The following RCL1 variants were observed in gnomAD, a reference collection of about 807,000 sequenced individuals.
RCL1 encodes RNA terminal phosphate cyclase like 1.
Under a neutral mutation model 42.4 loss-of-function variants are expected in RCL1, and 24 were observed. The ratio of observed to expected loss-of-function variants is 0.57; its 90% confidence interval spans 0.41 to 0.80. The LOEUF (loss-of-function observed/expected upper bound fraction) is 0.80, where lower values mean the gene tolerates loss of function less well. Among genes scored for constraint, RCL1 ranks in the 30% least tolerant of loss-of-function variants. The pLI is 0.00. For synonymous variants in RCL1, 228 were observed against 177.3 expected, an observed-to-expected ratio of 1.29 and a Z score of -2.27; for missense variants, 578 against 467.9, an observed-to-expected ratio of 1.24 and a Z score of -2.17.
At chr9:4,818,697 A>T (rs1020341152) in intron 1 of RCL1, among the ~76,000 whole-genome samples, 13 of 152,092 alleles carry the variant, frequency 8.5e-5, no homozygotes, top group Admixed American at 3.3e-4. Flanking sequence ...CCTGTCCGGC[A>T]TGGTGAAACC....
intron 1 of RCL1, among the ~76,000 whole-genome samples, chr9:4,805,306 T>C (rs1843084536): frequency 6.6e-6 from 1 of 152,132 alleles, no homozygotes; most frequent in Non-Finnish European, 1.5e-5. Context: ...GGAGGATCAC[T>C]TGAGCCTAGG....
Position 4,853,986 on chromosome 9 carries a change from A to G in RCL1, c.971+4436A>G, listed in dbSNP as rs117990701. ...GGAACTGCCGGCCAAGCCTGCCTCT[A>G]CTTGGGGTCAGTGGCCTCACTGCAT... On this transcript the variant is annotated intron_variant, in intron 8 of 8. Coordinates refer to ENST00000381750, the MANE Select transcript of RCL1 (RefSeq NM_005772.5). Among the ~76,000 whole-genome samples the G allele has an allele frequency of 2.2e-4, 33 of 152,218 alleles. 1 individual carries two copies. In the East Asian group the frequency reaches 4.6e-3, roughly 21 times the overall value.
intron 8 of RCL1, among the ~76,000 whole-genome samples, chr9:4,859,338 G>A (rs1468628457): frequency 6.6e-6 from 1 of 152,114 alleles, no homozygotes; most frequent in Non-Finnish European, 1.5e-5. Flanking sequence ...TTCCCCGTCT[G>A]TGTTGTTTGC....
intron 3 of RCL1, among the ~76,000 whole-genome samples, chr9:4,829,404 C>CATGATCG (rs527715924): frequency 1.8e-3 from 271 of 152,290 alleles, no homozygotes; most frequent in African/African-American, 6.1e-3. Flanking sequence ...AATAAAGGAT[C>CATGATCG]ATGATCGTAA....
chr9:4,797,637 G>C (rs905842138), intron 1 of RCL1, among the ~76,000 whole-genome samples: 9 of 152,168 alleles, frequency 5.9e-5, no homozygotes, highest in African/African-American at 2.2e-4. Flanking sequence ...CATTCAAAAT[G>C]TCAGTAGTGC....
In RCL1 at chr9:4,793,168, G is replaced by A. The variant is rs780192521; in HGVS notation, c.77G>A (p.Ser26Asn). The A allele has an allele frequency of 1.2e-5, 19 of 1,611,822 alleles. No individual in the cohort carries two copies. The highest frequency in any genetic ancestry group is 1.6e-5 in the Non-Finnish European group (19 of 1,179,050). Reference protein sequence around the residue: ...LRQRLVLSTLSGRPVKIRKIR... With the variant: ...LRQRLVLSTLNGRPVKIRKIR... Reference sequence around the variant, plus strand: ...CAACGTCTGGTCCTGTCTACCCTGAGCGGGCGCCCCGTCAAAATCCGAAAG... The same window carrying A: ...CAACGTCTGGTCCTGTCTACCCTGAACGGGCGCCCCGTCAAAATCCGAAAG... The change falls in exon 1 of 9, where the codon AGC becomes AAC. Residue 26 changes from serine to asparagine, a missense_variant. Transcript: ENST00000381750.
chr9:4,808,895 G>C (rs1355850722), intron 1 of RCL1, among the ~76,000 whole-genome samples: 1 of 152,190 alleles, frequency 6.6e-6, no homozygotes, highest in African/African-American at 2.4e-5. Flanking sequence ...ATACATGTTT[G>C]TTTGGGGGAA....
At chr9:4,819,206 A>G (rs1172986225) in intron 1 of RCL1, among the ~76,000 whole-genome samples, 2 of 152,222 alleles carry the variant, frequency 1.3e-5, no homozygotes, top group African/African-American at 4.8e-5. Flanking sequence ...AAACTGTTCC[A>G]CCTCAGATCG....
At chr9:4,849,132 C>T (rs751521749) in intron 7 of RCL1, among the ~76,000 whole-genome samples, 2 of 150,374 alleles carry the variant, frequency 1.3e-5, no homozygotes, top group African/African-American at 4.9e-5. Flanking sequence ...AGATGATGTC[C>T]TCCTGCTGCT....
intron 8 of RCL1, chr9:4,850,418 G>A (rs758825313): frequency 4.4e-6 from 2 of 452,408 alleles, no homozygotes; most frequent in Non-Finnish European, 9.8e-6. Flanking sequence ...GTGGGGCTAT[G>A]CACCCTTGGG....
At chr9:4,824,058 C>CT (rs1349409214) in intron 2 of RCL1, among the ~76,000 whole-genome samples, 2 of 152,112 alleles carry the variant, frequency 1.3e-5, no homozygotes, top group Admixed American at 1.3e-4. Flanking sequence ...AGTCTCTCCT[C>CT]TTTTTTTAAC....
At chr9:4,804,505 C>T (rs1843064085) in intron 1 of RCL1, 1 of 152,412 alleles carries the variant, frequency 6.6e-6, no homozygotes, top group Admixed American at 6.5e-5. Context: ...TGCGGTGGAA[C>T]TTACACGGGT....
In RCL1 at chr9:4,822,151, A is replaced by C. The variant is rs146885376; in HGVS notation, c.137-1397A>C. On this transcript the variant is annotated intron_variant, in intron 1 of 8. Coordinates refer to ENST00000381750, the MANE Select transcript of RCL1 (RefSeq NM_005772.5). Reference sequence around the variant, plus strand: ...TGTACAAATTGCAGAATCCATTATGACAAGAGTTATGGGACAGTGTTATGT... The same window carrying C: ...TGTACAAATTGCAGAATCCATTATGCCAAGAGTTATGGGACAGTGTTATGT... Among the ~76,000 whole-genome samples, 5 of 152,348 alleles carry C rather than the reference A, an allele frequency of 3.3e-5. No individual in the cohort carries two copies. The East Asian group carries it at 9.6e-4, about 29-fold the overall frequency.
chr9:4,849,351 G>C, intron 7 of RCL1, 96 bp from the exon 8 acceptor site: 2 of 837,170 alleles, frequency 2.4e-6, no homozygotes, highest in Non-Finnish European at 3.9e-6. Flanking sequence ...TTTGGATTTT[G>C]ATATTATGAG....
At chr9:4,833,608 A>T (rs537383976) in intron 4 of RCL1, among the ~76,000 whole-genome samples, 1 of 152,356 alleles carries the variant, frequency 6.6e-6, no homozygotes, top group African/African-American at 2.4e-5. Flanking sequence ...AGGGGCTCCC[A>T]ACCTGGATGT....
chr9:4,847,938 C>T (rs1446705174), intron 7 of RCL1, among the ~76,000 whole-genome samples: 2 of 152,184 alleles, frequency 1.3e-5, no homozygotes, highest in African/African-American at 2.4e-5. Context: ...TCCTAAAGCC[C>T]TCCTCAGGTA....
chr9:4,842,788 G>A (rs907194505), intron 6 of RCL1, among the ~76,000 whole-genome samples: 1 of 152,138 alleles, frequency 6.6e-6, no homozygotes, highest in African/African-American at 2.4e-5. Flanking sequence ...ATTTCCGAGG[G>A]ATGGGGGAGG....
At chr9:4,836,189 A>G (rs551626320) in intron 5 of RCL1, among the ~76,000 whole-genome samples, 49 of 152,374 alleles carry the variant, frequency 3.2e-4, no homozygotes, top group Non-Finnish European at 5.6e-4. Flanking sequence ...CTGCATGGCC[A>G]TGTGGCTATA....
intron 2 of RCL1, among the ~76,000 whole-genome samples, chr9:4,824,798 C>A (rs1371332234): frequency 6.6e-6 from 1 of 152,226 alleles, no homozygotes; most frequent in African/African-American, 2.4e-5. Context: ...GAGATACTCA[C>A]ATGTCTTTTG....
Sources: allele counts gnomAD v4.1 joint callset (sites outside exome capture counted in the v4.1 genomes callset), GRCh38; gene constraint gnomAD v4.1.1; transcripts MANE v1.5; gene names NCBI Gene and HGNC (gene_info 2026-07-23, HGNC 2026-07-21).